Variants in EEF1AKMT2 observed in about 807,000 individuals in gnomAD.
The protein encoded by EEF1AKMT2 is EEF1A lysine methyltransferase 2, also known as eukaryotic translation elongation factor 1 alpha lysine methyltransferase 2.
In EEF1AKMT2, 32 loss-of-function variants were observed where a neutral mutation model predicts 35.8. The ratio of observed to expected loss-of-function variants is 0.89; its 90% CI spans 0.67 to 1.20. EEF1AKMT2 has a LOEUF of 1.20. Ranked by LOEUF, EEF1AKMT2 falls within the 50% of genes most tolerant of loss-of-function variation. The pLI is 0.00. For synonymous variants in EEF1AKMT2, 121 were observed against 133.7 expected (o/e 0.91, Z 0.65); for missense variants, 330 against 347.5 (o/e 0.95, Z 0.40).
intron 4 of EEF1AKMT2, among the ~76,000 whole-genome samples, chr10:124,772,433 T>C (rs1281427656): frequency 7.7e-6 from 1 of 129,218 alleles, no homozygotes; most frequent in Non-Finnish European, 1.7e-5. Flanking sequence ...TTTTTTTTTT[T>C]TTTTTTTTTT....
At chr10:124,778,429 A>G (rs1156526351) in intron 3 of EEF1AKMT2, among the ~76,000 whole-genome samples, 1 of 152,154 alleles carries the variant, frequency 6.6e-6, no homozygotes, top group Non-Finnish European at 1.5e-5. Flanking sequence ...TGAAAAACAA[A>G]AACAGAAAAA....
chr10:124,791,838 C>G lies in EEF1AKMT2; in HGVS notation c.-5G>C. 6.4e-7 allele frequency: 1 copy of G among 1,567,848 alleles called. No homozygotes were observed. The highest frequency in any genetic ancestry group is 8.6e-7 in the Non-Finnish European group (1 of 1,163,230). ...GCCGTCAGCGCCCGAGCTCATTTCG[C>G]TCCACGTCCTGGACGGCCGTTGGGG... On this transcript the variant is annotated 5_prime_UTR_variant, in exon 1 of 7. Transcript: ENST00000368836.
At position 124,759,508 on chromosome 10, in the gene EEF1AKMT2, T is replaced by C. The variant is rs1950312117; in HGVS notation, c.*995A>G. The C allele has an allele frequency of 6.6e-6, 1 of 152,220 alleles. No homozygotes were observed. Among genetic ancestry groups the C allele is most frequent in the South Asian group, 2.1e-4 (1 of 4,834 alleles). 9.4% of individuals were successfully genotyped at this position (152,220 alleles called of 1,614,324 possible). A position where few individuals can be genotyped will look rare whatever the true frequency, so the allele number is the denominator to read the frequency against. ...TCATCATGGGTCTCCAGCTGTACTG[T>C]AAATGCTACAAAGGCAAAGACTAAG... On this transcript the variant is annotated 3_prime_UTR_variant, in exon 7 of 7. Coordinates refer to ENST00000368836, the MANE Select transcript of EEF1AKMT2 (RefSeq NM_212554.4).
At chr10:124,789,442 T>C (rs574828412) in intron 2 of EEF1AKMT2, among the ~76,000 whole-genome samples, 1 of 152,278 alleles carries the variant, frequency 6.6e-6, no homozygotes, top group Non-Finnish European at 1.5e-5. Context: ...AGGACAACTA[T>C]AGGGTGAAAT....
chr10:124,777,963 C>T (rs1687197150), intron 3 of EEF1AKMT2, among the ~76,000 whole-genome samples: 1 of 152,158 alleles, frequency 6.6e-6, no homozygotes, highest in African/African-American at 2.4e-5. Context: ...TACACACACA[C>T]ACAACCCTCT....
At chr10:124,778,722 CAA>C (rs11405149) in intron 3 of EEF1AKMT2, among the ~76,000 whole-genome samples, 10 of 119,432 alleles carry the variant, frequency 8.4e-5, no homozygotes, top group Admixed American at 1.7e-4. Context: ...GACTCCGTAC[CAA>C]AAAAAAAAAA....
intron 3 of EEF1AKMT2, among the ~76,000 whole-genome samples, chr10:124,788,672 A>C (rs901006219): frequency 7.0e-6 from 1 of 142,358 alleles, no homozygotes; most frequent in Admixed American, 7.3e-5. Context: ...CTATAAGATA[A>C]GATACGTATG....
rs1589776865 is a variant in EEF1AKMT2 at position 124,760,336 on chromosome 10, A to T, written c.*167T>A. On this transcript the variant is annotated 3_prime_UTR_variant, in exon 7 of 7. Coordinates refer to ENST00000368836, the MANE Select transcript of EEF1AKMT2 (RefSeq NM_212554.4). Reference sequence around the variant, plus strand: ...TACTTACTAAGCATTTATTTGCACAAGGATTTTCTGTGTCAGGTTAACTTT... The same window carrying T: ...TACTTACTAAGCATTTATTTGCACATGGATTTTCTGTGTCAGGTTAACTTT... The T allele has an allele frequency of 1.0e-6, 1 of 1,000,850 alleles. No homozygotes were observed. Among genetic ancestry groups the T allele is most frequent in the Admixed American group, 2.2e-5 (1 of 46,442 alleles). 62.0% of individuals were successfully genotyped at this position (1,000,850 alleles called of 1,614,324 possible). A position where few individuals can be genotyped will look rare whatever the true frequency, so the allele number is the denominator to read the frequency against.
intron 3 of EEF1AKMT2, among the ~76,000 whole-genome samples, chr10:124,788,054 T>C (rs771715828): frequency 6.6e-6 from 1 of 152,218 alleles, no homozygotes; most frequent in Non-Finnish European, 1.5e-5. Flanking sequence ...ATCTTTAACT[T>C]AATCCTCATG....
intron 1 of EEF1AKMT2, 111 bp downstream of exon 1, chr10:124,791,613 C>A: frequency 3.4e-6 from 5 of 1,465,800 alleles, no homozygotes; most frequent in Admixed American, 4.2e-5. Flanking sequence ...TCCCGTCACG[C>A]CCCCGAGGGT....
chr10:124,776,236 A>C (rs895227222), intron 3 of EEF1AKMT2, among the ~76,000 whole-genome samples: 3 of 152,150 alleles, frequency 2.0e-5, no homozygotes, highest in Non-Finnish European at 4.4e-5. Context: ...TAAAAATCAC[A>C]AATAGATGTT....
chr10:124,791,687 G>A, intron 1 of EEF1AKMT2, 37 bp downstream of exon 1: 1 of 1,549,186 alleles, frequency 6.5e-7, no homozygotes, highest in Non-Finnish European at 8.7e-7. Flanking sequence ...AGGCAGGGCG[G>A]CACGGCTCAT....
intron 3 of EEF1AKMT2, among the ~76,000 whole-genome samples, chr10:124,787,959 C>T (rs1950601382): frequency 6.6e-6 from 1 of 152,068 alleles, no homozygotes; most frequent in Admixed American, 6.6e-5. Flanking sequence ...AATCATATTC[C>T]ACTACTAAAA....
At chr10:124,782,410 G>A (rs1436095905) in intron 3 of EEF1AKMT2, among the ~76,000 whole-genome samples, 7 of 151,714 alleles carry the variant, frequency 4.6e-5, no homozygotes, top group Admixed American at 1.3e-4. Context: ...GTGAAACCCC[G>A]TCTCTACTAA....
chr10:124,791,843 C>T lies in EEF1AKMT2; in HGVS notation c.-10G>A, dbSNP rs746092211. The T allele has an allele frequency of 5.1e-6, 8 of 1,560,654 alleles. No individual in the cohort carries two copies. The highest frequency in any genetic ancestry group is 2.3e-5 in the South Asian group (2 of 85,968). On this transcript the variant is annotated 5_prime_UTR_variant, in exon 1 of 7. It adds an upstream start codon to the 5' untranslated region. Coordinates refer to ENST00000368836, the MANE Select transcript of EEF1AKMT2 (RefSeq NM_212554.4). ...CAGCGCCCGAGCTCATTTCGCTCCACGTCCTGGACGGCCGTTGGGGCCGCC... is the reference window on the plus strand; with the variant it reads ...CAGCGCCCGAGCTCATTTCGCTCCATGTCCTGGACGGCCGTTGGGGCCGCC...
At position 124,791,840 on chromosome 10, in the gene EEF1AKMT2, C is replaced by T. The variant is rs781538736; in HGVS notation, c.-7G>A. 4.3e-5 allele frequency: 68 copies of T among 1,566,586 alleles called. No homozygotes were observed. The highest frequency in any genetic ancestry group is 5.6e-5 in the Non-Finnish European group (65 of 1,162,634). On this transcript the variant is annotated 5_prime_UTR_variant, in exon 1 of 7. Coordinates refer to ENST00000368836, the MANE Select transcript of EEF1AKMT2 (RefSeq NM_212554.4). ...CGTCAGCGCCCGAGCTCATTTCGCT[C>T]CACGTCCTGGACGGCCGTTGGGGCC...
At chr10:124,772,956 T>C (rs1436272894) in intron 4 of EEF1AKMT2, among the ~76,000 whole-genome samples, 1 of 152,256 alleles carries the variant, frequency 6.6e-6, no homozygotes, top group Non-Finnish European at 1.5e-5. Flanking sequence ...TCATCATTCA[T>C]GTGTTCACTG....
At chr10:124,768,215 A>G (rs1228347329) in intron 4 of EEF1AKMT2, among the ~76,000 whole-genome samples, 1 of 152,162 alleles carries the variant, frequency 6.6e-6, no homozygotes, top group Non-Finnish European at 1.5e-5. Context: ...GAAATGAGGG[A>G]CTTTGTAAGG....
In EEF1AKMT2 at chr10:124,774,675, C is replaced by G; in HGVS notation, c.399G>C (p.Lys133Asn). 1 of 1,360,952 alleles carries G rather than the reference C, an allele frequency of 7.3e-7. No homozygotes were observed. The highest frequency in any genetic ancestry group is 9.7e-7 in the Non-Finnish European group (1 of 1,026,112). 84.3% of individuals were successfully genotyped at this position (1,360,952 alleles called of 1,614,324 possible). Residue 133 changes from lysine (K) to asparagine (N), a missense_variant and splice_region_variant, in exon 4 of 7, where the codon AAG becomes AAC. Coordinates refer to ENST00000368836, the MANE Select transcript of EEF1AKMT2 (RefSeq NM_212554.4). ...EKEGLSNIKLKVEDFLNLSTQ... is the reference protein window; with the variant it reads ...EKEGLSNIKLNVEDFLNLSTQ... ...TTATAGTAATATAAATAATAGTTAC[C>G]TTTAACTTAATGTTAGATAAACCTT...
Sources: allele counts gnomAD v4.1 joint callset (sites outside exome capture counted in the v4.1 genomes callset), GRCh38; gene constraint gnomAD v4.1.1; transcripts MANE v1.5; gene names NCBI Gene and HGNC (gene_info 2026-07-23, HGNC 2026-07-21).